The following HCN1 variants were observed in gnomAD, a reference collection of about 807,000 sequenced individuals.
HCN1 encodes potassium/sodium hyperpolarization-activated cyclic nucleotide-gated channel 1.
A neutral mutation model predicts 78.9 loss-of-function variants in HCN1; 13 were observed. The observed-to-expected ratio is 0.16, with a 90% confidence interval of 0.11 to 0.26. HCN1 has a LOEUF of 0.26. Among genes scored for constraint, HCN1 ranks in the 10% least tolerant of loss-of-function variants. The pLI is 1.00. For synonymous variants in HCN1, 552 were observed against 455.5 expected, an observed-to-expected ratio of 1.21 and a Z score of -2.70; for missense variants, 810 against 1,154.3, an observed-to-expected ratio of 0.70 and a Z score of 4.32.
intron 3 of HCN1, among the ~76,000 whole-genome samples, chr5:45,416,462 C>A (rs1046479748): frequency 7.9e-5 from 12 of 151,894 alleles, no homozygotes; most frequent in African/African-American, 2.9e-4. Context: ...ACCTGACAAG[C>A]TACACAGCAG....
intron 4 of HCN1, among the ~76,000 whole-genome samples, chr5:45,392,975 G>C (rs981188273): frequency 2.0e-5 from 3 of 152,042 alleles, no homozygotes; most frequent in Non-Finnish European, 2.9e-5. Context: ...TGGTGGCTTG[G>C]TATCTTGTGC....
chr5:45,563,401 A>T (rs2111885967), intron 2 of HCN1, among the ~76,000 whole-genome samples: 1 of 152,234 alleles, frequency 6.6e-6, no homozygotes, highest in East Asian at 1.9e-4. Context: ...CAGTGAGCCA[A>T]GATCATGCCA....
intron 2 of HCN1, among the ~76,000 whole-genome samples, chr5:45,473,465 A>G (rs1741448408): frequency 1.3e-5 from 2 of 151,942 alleles, no homozygotes; most frequent in African/African-American, 2.4e-5. Flanking sequence ...ATTGTCATTT[A>G]CAAATATCTA....
chr5:45,559,759 T>A (rs2111874970), intron 2 of HCN1: 1 of 152,320 alleles, frequency 6.6e-6, no homozygotes, highest in East Asian at 1.9e-4. Flanking sequence ...TGTTTGAGAA[T>A]ACTGACTTCA....
At chr5:45,409,308 TA>T (rs1739984158) in intron 3 of HCN1, among the ~76,000 whole-genome samples, 1 of 152,052 alleles carries the variant, frequency 6.6e-6, no homozygotes, top group African/African-American at 2.4e-5. Flanking sequence ...TTGCTATGAG[TA>T]ACAATTCTAA....
intron 5 of HCN1, among the ~76,000 whole-genome samples, chr5:45,305,598 A>G (rs923526440): frequency 6.6e-6 from 1 of 152,036 alleles, no homozygotes; most frequent in African/African-American, 2.4e-5. Context: ...GTGGGTCTAT[A>G]ACAATGTTCA....
chr5:45,271,783 G>GT (rs971736619), intron 6 of HCN1, among the ~76,000 whole-genome samples: 22 of 152,046 alleles, frequency 1.4e-4, no homozygotes, highest in African/African-American at 5.3e-4. Context: ...TGTATTTAAT[G>GT]TGACATATTC....
At chr5:45,617,049 A>C (rs2111988121) in intron 2 of HCN1, among the ~76,000 whole-genome samples, 1 of 152,158 alleles carries the variant, frequency 6.6e-6, no homozygotes, top group South Asian at 2.1e-4. Flanking sequence ...TGATTTCAAA[A>C]ATACTTGGCA....
At chr5:45,353,318 T>G (rs1316538765) in intron 4 of HCN1, 72 bp from the exon 5 acceptor site, 1 of 1,184,932 alleles carries the variant, frequency 8.4e-7, no homozygotes, top group South Asian at 1.3e-5. Context: ...TATTTTGTTT[T>G]GCTATATTCA....
chr5:45,670,474 A>G (rs970920823), intron 1 of HCN1, among the ~76,000 whole-genome samples: 4 of 151,694 alleles, frequency 2.6e-5, no homozygotes, highest in African/African-American at 9.7e-5. Flanking sequence ...TAAGGGATGT[A>G]GGCATTTTAG....
At chr5:45,514,982 T>G (rs1483312) in intron 2 of HCN1, among the ~76,000 whole-genome samples, 3 of 151,876 alleles carry the variant, frequency 2.0e-5, no homozygotes, top group Non-Finnish European at 4.4e-5. Flanking sequence ...GATGTTTTTA[T>G]TAATTTTTAT....
chr5:45,343,151 G>A (rs1011375346), intron 5 of HCN1, among the ~76,000 whole-genome samples: 1 of 152,210 alleles, frequency 6.6e-6, no homozygotes, highest in Non-Finnish European at 1.5e-5. Flanking sequence ...GCACAATTTT[G>A]TTGTAGGCCA....
chr5:45,588,630 C>G (rs1321660608), intron 2 of HCN1, among the ~76,000 whole-genome samples: 1 of 152,146 alleles, frequency 6.6e-6, no homozygotes, highest in Non-Finnish European at 1.5e-5. Context: ...TTTACAAACT[C>G]TTTATCTTTT....
At chr5:45,354,406 A>G (rs1746970271) in intron 4 of HCN1, among the ~76,000 whole-genome samples, 2 of 152,032 alleles carry the variant, frequency 1.3e-5, no homozygotes, top group African/African-American at 4.8e-5. Context: ...AGATGTCAAA[A>G]TAATATTTTT....
At chr5:45,443,425 G>C (rs749165059) in intron 3 of HCN1, among the ~76,000 whole-genome samples, 50 of 151,978 alleles carry the variant, frequency 3.3e-4, no homozygotes, top group Non-Finnish European at 5.0e-4. Context: ...ACAGGTGTTT[G>C]GTTGGTTGTT....
intron 2 of HCN1, among the ~76,000 whole-genome samples, chr5:45,638,381 G>C (rs1745394043): frequency 6.6e-6 from 1 of 152,022 alleles, no homozygotes; most frequent in African/African-American, 2.4e-5. Context: ...AAACAGATTG[G>C]GACAAGGATT....
chr5:45,288,810 G>A (rs1307471548), intron 6 of HCN1, among the ~76,000 whole-genome samples: 2 of 151,980 alleles, frequency 1.3e-5, no homozygotes, highest in African/African-American at 4.8e-5. Flanking sequence ...GACTTGAAGG[G>A]AGGGTCTAAA....
chr5:45,281,729 A>G (rs545652541), intron 6 of HCN1, among the ~76,000 whole-genome samples: 1 of 151,600 alleles, frequency 6.6e-6, no homozygotes, highest in East Asian at 2.0e-4. Context: ...CTGGGACTAC[A>G]GGTGCCCGCC....
rs1410329560 is a variant in HCN1, at chr5:45,257,832, T to G, written c.*4089A>C. On this transcript the variant is annotated 3_prime_UTR_variant, in exon 8 of 8. Coordinates refer to ENST00000303230, the MANE Select transcript of HCN1 (RefSeq NM_021072.4). ...GAACTGTATTTTATTTATTTGTATG[T>G]GCTACAATTTGGTGCATGCAGCAAC... 2 of 152,152 alleles carry G rather than the reference T, an allele frequency of 1.3e-5. No individual in the cohort carries two copies. The highest frequency in any genetic ancestry group is 2.9e-5 in the Non-Finnish European group (2 of 68,022). 9.4% of individuals were successfully genotyped at this position (152,152 alleles called of 1,614,324 possible).
Sources: gnomAD v4.1 joint callset for allele counts (sites outside exome capture counted in the v4.1 genomes callset) on GRCh38, gnomAD v4.1.1 for gene constraint, MANE v1.5 for transcripts, NCBI Gene and HGNC (gene_info 2026-07-23, HGNC 2026-07-21) for gene names.